Variants in ASCL5 observed in about 807,000 individuals in gnomAD.
ASCL5 encodes achaete-scute family bHLH transcription factor 5, also known as achaete-scute homolog 5.
For missense variants in ASCL5, 262 were observed against 268.9 expected (o/e 0.97, Z 0.18); for synonymous variants, 124 against 131.5 (o/e 0.94, Z 0.39).
chr1:201,119,897 A>G (rs1420708183), intron 1 of ASCL5, among the ~76,000 whole-genome samples: 1 of 152,068 alleles, frequency 6.6e-6, no homozygotes, highest in Non-Finnish European at 1.5e-5. Flanking sequence ...CCACCTTTTT[A>G]AGGGGCCCTG....
At chr1:201,124,837 G>A (rs910939269) in intron 1 of ASCL5, among the ~76,000 whole-genome samples, 12 of 152,172 alleles carry the variant, frequency 7.9e-5, no homozygotes, top group Admixed American at 2.0e-4. Context: ...AGGAGGGACC[G>A]AGGCCAGGAG....
chr1:201,121,056 A>G (rs1408099943), intron 1 of ASCL5, among the ~76,000 whole-genome samples: 1 of 152,214 alleles, frequency 6.6e-6, no homozygotes, highest in Non-Finnish European at 1.5e-5. Context: ...CTTTCCCCTA[A>G]GGGCTGCATA....
chr1:201,115,188 C>G lies in ASCL5; in HGVS notation c.185G>C (p.Gly62Ala). The stretch of plus-strand genomic sequence containing the variant: ...GGGGAAGGGCACGTAGGGGAACACC[C>G]CCGCATAGGCGTCGTAGTAGGGCGG... Reference protein sequence around the residue: ...AEPPYYDAYAGVFPYVPFPGA... With the variant: ...AEPPYYDAYAAVFPYVPFPGA... The change falls in exon 2 of 2, where the codon GGG (glycine) becomes GCG (alanine). Residue 62 changes from glycine to alanine, a missense_variant. Transcript: ENST00000449188. The G allele has an allele frequency of 1.6e-6, 2 of 1,231,652 alleles. No individual in the cohort carries two copies. Among genetic ancestry groups the G allele is most frequent in the Non-Finnish European group, 2.0e-6 (2 of 987,944 alleles). The allele number at this position is 1,231,652 out of a possible 1,614,324, so 76.3% of individuals were successfully genotyped here. A position where few individuals can be genotyped will look rare whatever the true frequency, so the allele number is the denominator to read the frequency against.
rs889850013 is a variant in ASCL5 at position 201,113,983 on chromosome 1, T to A, written c.*769A>T. 6.6e-6 allele frequency: 1 copy of A among 152,126 alleles called. No homozygotes were observed. Among genetic ancestry groups the A allele is most frequent in the Non-Finnish European group, 1.5e-5 (1 of 68,052 alleles). The allele number at this position is 152,126 out of a possible 1,614,324, so 9.4% of individuals were successfully genotyped here. A position where few individuals can be genotyped will look rare whatever the true frequency, so the allele number is the denominator to read the frequency against. On this transcript the variant is annotated 3_prime_UTR_variant, in exon 2 of 2. Transcript: ENST00000449188. Reference sequence around the variant, plus strand: ...TCAACAATCCTTTTATTTAGCTCTTTGGTGCCGACGCAGTGCCTATGTACC... The same window carrying A: ...TCAACAATCCTTTTATTTAGCTCTTAGGTGCCGACGCAGTGCCTATGTACC...
intron 1 of ASCL5, among the ~76,000 whole-genome samples, chr1:201,116,415 G>C (rs1289607081): frequency 6.6e-6 from 1 of 152,170 alleles, no homozygotes; most frequent in African/African-American, 2.4e-5. Flanking sequence ...AGTCATCAAA[G>C]CCTTCCCTGC....
intron 1 of ASCL5, among the ~76,000 whole-genome samples, chr1:201,118,178 C>T (rs931423726): frequency 7.9e-5 from 12 of 152,172 alleles, no homozygotes; most frequent in African/African-American, 2.9e-4. Context: ...TCTGTCTTTA[C>T]TGTTAGAAAA....
intron 1 of ASCL5, among the ~76,000 whole-genome samples, chr1:201,120,791 GA>G (rs1411900416): frequency 1.3e-5 from 2 of 152,342 alleles, no homozygotes; most frequent in East Asian, 3.9e-4. Flanking sequence ...GGCTCTGAAG[GA>G]AGTATTGGGG....
At chr1:201,125,790 T>C (rs984725979) in intron 1 of ASCL5, among the ~76,000 whole-genome samples, 1 of 152,232 alleles carries the variant, frequency 6.6e-6, no homozygotes, top group African/African-American at 2.4e-5. Context: ...ATTGAATTGC[T>C]GCTGGATGAA....
chr1:201,117,598 T>C (rs1222156047), intron 1 of ASCL5, among the ~76,000 whole-genome samples: 1 of 152,322 alleles, frequency 6.6e-6, no homozygotes, highest in Non-Finnish European at 1.5e-5. Context: ...TCTCTGGAAC[T>C]CTTTGCTTTC....
chr1:201,115,577 C>T lies in ASCL5; in HGVS notation c.-205G>A. 2.6e-6 allele frequency: 1 copy of T among 390,976 alleles called. No individual in the cohort carries two copies. Among genetic ancestry groups the T allele is most frequent in the Non-Finnish European group, 4.5e-6 (1 of 224,316 alleles). The allele number at this position is 390,976 out of a possible 1,614,324, so 24.2% of individuals were successfully genotyped here. Reference sequence around the variant, plus strand: ...ATCGCCCTAGACAAGTGTGGCCCCTCTCAGGAGGTCGGTGCACGCCTTCTC... The same window carrying T: ...ATCGCCCTAGACAAGTGTGGCCCCTTTCAGGAGGTCGGTGCACGCCTTCTC... On this transcript the variant is annotated 5_prime_UTR_variant, in exon 2 of 2. Coordinates refer to ENST00000449188, the MANE Select transcript of ASCL5 (RefSeq NM_001270601.2).
rs1190178616 is a variant in ASCL5, at chr1:201,115,544, C to T, written c.-172G>A. ...AGGGTGGCTTCCAATGACTCCCTAA[C>T]AAGAGCCATCGCCCTAGACAAGTGT... On this transcript the variant is annotated 5_prime_UTR_variant, in exon 2 of 2. Coordinates refer to ENST00000449188, the MANE Select transcript of ASCL5 (RefSeq NM_001270601.2). 1 of 424,996 alleles carries T rather than the reference C, an allele frequency of 2.4e-6. No individual in the cohort carries two copies. The highest frequency in any genetic ancestry group is 2.0e-5 in the African/African-American group (1 of 49,072). 26.3% of individuals were successfully genotyped at this position (424,996 alleles called of 1,614,324 possible). A position where few individuals can be genotyped will look rare whatever the true frequency, so the allele number is the denominator to read the frequency against.
intron 1 of ASCL5, among the ~76,000 whole-genome samples, chr1:201,117,983 A>G (rs1320503322): frequency 3.9e-5 from 6 of 152,224 alleles, no homozygotes; most frequent in Admixed American, 1.3e-4. Context: ...TTTAAATTTA[A>G]TTTGATAGGG....
At position 201,115,061 on chromosome 1, in the gene ASCL5, A is replaced by G; in HGVS notation, c.312T>C (p.Ala104=). The G allele has an allele frequency of 8.1e-7, 1 of 1,231,946 alleles. No individual in the cohort carries two copies. Among genetic ancestry groups the G allele is most frequent in the Non-Finnish European group, 1.0e-6 (1 of 988,240 alleles). 76.3% of individuals were successfully genotyped at this position (1,231,946 alleles called of 1,614,324 possible). ...QRVKCVNEGY[A]RLRGHLPGAL... ...CGCCGGGGAGGTGGCCGCGGAGGCGAGCGTAGCCCTCGTTGACGCACTTGA... is the reference window on the plus strand; with the variant it reads ...CGCCGGGGAGGTGGCCGCGGAGGCGGGCGTAGCCCTCGTTGACGCACTTGA... The change falls in exon 2 of 2, where the codon GCT becomes GCC. Residue 104 remains alanine, a synonymous_variant. Coordinates refer to ENST00000449188, the MANE Select transcript of ASCL5 (RefSeq NM_001270601.2).
intron 1 of ASCL5, among the ~76,000 whole-genome samples, chr1:201,117,303 G>A (rs766054917): frequency 2.0e-5 from 3 of 152,128 alleles, no homozygotes; most frequent in Non-Finnish European, 4.4e-5. Context: ...GGGTGGAATG[G>A]TGGGTGCCTG....
chr1:201,126,127 T>G (rs1309540865), intron 1 of ASCL5, among the ~76,000 whole-genome samples: 1 of 147,914 alleles, frequency 6.8e-6, no homozygotes, highest in Non-Finnish European at 1.5e-5. Context: ...CCCTTAGCTC[T>G]TTTAAAGTTA....
Position 201,114,785 on chromosome 1 carries a change from C to A in ASCL5, c.588G>T (p.Ser196=), listed in dbSNP as rs1002168881. 1 of 1,230,688 alleles carries A rather than the reference C, an allele frequency of 8.1e-7. No individual in the cohort carries two copies. The highest frequency in any genetic ancestry group is 1.6e-5 in the African/African-American group (1 of 64,354). The allele number at this position is 1,230,688 out of a possible 1,614,324, so 76.2% of individuals were successfully genotyped here. The change falls in exon 2 of 2, where the codon TCG becomes TCT. Residue 196 remains serine (S), a synonymous_variant. Coordinates refer to ENST00000449188, the MANE Select transcript of ASCL5 (RefSeq NM_001270601.2). The part of the protein sequence containing the change: ...ESSESSCFSP[S]PFLESEESWH ...AGGATTCCTCCGACTCCAAGAAAGG[C>A]GACGGGGAGAAGCAGGAGGACTCGG...
chr1:201,114,980 G>A lies in ASCL5; in HGVS notation c.393C>T (p.Tyr131=). 8.1e-7 allele frequency: 1 copy of A among 1,231,668 alleles called. No homozygotes were observed. The highest frequency in any genetic ancestry group is 1.0e-6 in the Non-Finnish European group (1 of 987,946). The allele number at this position is 1,231,668 out of a possible 1,614,324, so 76.3% of individuals were successfully genotyped here. Residue 131 remains tyrosine (Y), a synonymous_variant, in exon 2 of 2, where the codon TAC becomes TAT. Coordinates refer to ENST00000449188, the MANE Select transcript of ASCL5 (RefSeq NM_001270601.2). ...TCAGCAGCTCTTGCAGGTACTTTAT[G>A]TAGCGGATGGCGGCGCGCAGCGTCT... ...KVETLRAAIR[Y]IKYLQELLSS...
In ASCL5 at chr1:201,124,121, A is replaced by G. The variant is rs906972459; in HGVS notation, c.-506+2963T>C. On this transcript the variant is annotated intron_variant, in intron 1 of 1. Transcript: ENST00000449188. ...TGATTAATCAATGTTAATTTCAAAG[A>G]AGACAAAGAGGAAGGAAAATCATCC... 5.3e-5 allele frequency among the ~76,000 whole-genome samples: 8 copies of G among 152,346 alleles called. No individual in the cohort carries two copies. In the Middle Eastern group the frequency reaches 0.01, roughly 194 times the overall value.
At position 201,115,013 on chromosome 1, in the gene ASCL5, G is replaced by C; in HGVS notation, c.360C>G (p.Ser120Arg). Residue 120 changes from serine (S) to arginine (R), a missense_variant, in exon 2 of 2, where the codon AGC becomes AGG. Physicochemically the swap from Ser to Arg is moderately radical, Grantham distance 110. Transcript: ENST00000449188. Reference protein sequence around the residue: ...LPGALAEKRLSKVETLRAAIR... With the variant: ...LPGALAEKRLRKVETLRAAIR... ...TGGCGGCGCGCAGCGTCTCCACCTT[G>C]CTGAGTCGCTTCTCAGCCAGGGCGC... is the stretch of plus-strand genomic sequence containing the variant. 1 of 1,231,900 alleles carries C rather than the reference G, an allele frequency of 8.1e-7. No individual in the cohort carries two copies. The highest frequency in any genetic ancestry group is 1.0e-6 in the Non-Finnish European group (1 of 988,128). The allele number at this position is 1,231,900 out of a possible 1,614,324, so 76.3% of individuals were successfully genotyped here. A position where few individuals can be genotyped will look rare whatever the true frequency, so the allele number is the denominator to read the frequency against.
Sources: gnomAD v4.1 joint callset for allele counts (sites outside exome capture counted in the v4.1 genomes callset) on GRCh38, gnomAD v4.1.1 for gene constraint, MANE v1.5 for transcripts, NCBI Gene and HGNC (gene_info 2026-07-23, HGNC 2026-07-21) for gene names.